The following RPA3 variants were observed in gnomAD, a reference collection of about 807,000 sequenced individuals.
The protein encoded by RPA3 is replication protein A3.
In RPA3, 24 loss-of-function variants were observed where a neutral mutation model predicts 13.7. The observed-to-expected ratio is 1.75, with a 90% confidence interval of 1.27 to 2.46. RPA3 has a LOEUF of 2.46. RPA3 is among the 30% of genes most tolerant of loss of function. The pLI, the probability that RPA3 is intolerant of heterozygous loss-of-function variation, is 0.00. For missense variants in RPA3, 183 were observed against 151.0 expected (o/e 1.21, Z -1.11); for synonymous variants, 59 against 51.2 (o/e 1.15, Z -0.65).
intron 2 of RPA3, among the ~76,000 whole-genome samples, chr7:7,714,679 A>T (rs987479331): frequency 2.0e-5 from 3 of 152,116 alleles, no homozygotes; most frequent in African/African-American, 7.2e-5. Flanking sequence ...AAAGACTTAG[A>T]ACTCCATCAG....
chr7:7,638,867 T>C (rs1784905919), intron 6 of RPA3: 1 of 401,116 alleles, frequency 2.5e-6, no homozygotes, highest in Non-Finnish European at 4.4e-6. Context: ...TCAAAAATCA[T>C]GACGCCCAAA....
At chr7:7,698,445 T>G (rs1780369968) in intron 2 of RPA3, among the ~76,000 whole-genome samples, 1 of 152,252 alleles carries the variant, frequency 6.6e-6, no homozygotes, top group Non-Finnish European at 1.5e-5. Context: ...TTTTTACAGC[T>G]TAGCCTTTTC....
At chr7:7,665,284 G>A (rs1779413977) in intron 4 of RPA3, among the ~76,000 whole-genome samples, 1 of 152,184 alleles carries the variant, frequency 6.6e-6, no homozygotes, top group Non-Finnish European at 1.5e-5. Context: ...AATAGGATCT[G>A]CCCTGCTAAG....
intron 2 of RPA3, among the ~76,000 whole-genome samples, chr7:7,700,830 G>A (rs544024017): frequency 6.6e-6 from 1 of 152,246 alleles, no homozygotes; most frequent in South Asian, 2.1e-4. Context: ...GGAGGTTGCA[G>A]TGAGCTGAGA....
intron 1 of RPA3, among the ~76,000 whole-genome samples, chr7:7,716,566 T>C (rs896093535): frequency 6.6e-6 from 1 of 152,236 alleles, no homozygotes; most frequent in Non-Finnish European, 1.5e-5. Flanking sequence ...ACCTTCCCTT[T>C]TCTTTGTCAC....
At chr7:7,690,097 C>T (rs370328298) in intron 2 of RPA3, among the ~76,000 whole-genome samples, 1 of 152,058 alleles carries the variant, frequency 6.6e-6, no homozygotes, top group African/African-American at 2.4e-5. Context: ...TTTTCAGGAA[C>T]GTATTACTGA....
chr7:7,637,220 G>A, intron 7 of RPA3, 138 bp from the exon 8 acceptor site: 2 of 657,272 alleles, frequency 3.0e-6, no homozygotes, highest in Non-Finnish European at 5.3e-6. Context: ...ATGGATTATG[G>A]ATTCTTGTAT....
rs193069003 is a variant in RPA3 at position 7,655,080 on chromosome 7, T to C, written c.-757-13905A>G. On this transcript the variant is annotated intron_variant, in intron 4 of 7. Coordinates refer to ENST00000223129, the MANE Select transcript of RPA3 (RefSeq NM_002947.5). ...GCTATGCTAGCAGGATTTACTGTTA[T>C]AGTAACAGCAATGATTCCAGACAGT... Among the ~76,000 whole-genome samples the C allele has an allele frequency of 5.7e-4, 87 of 152,302 alleles. 1 individual carries two copies. The highest frequency in any genetic ancestry group is 2.0e-3 in the African/African-American group (85 of 41,556).
At chr7:7,663,550 TCTAA>T (rs1408755155) in intron 4 of RPA3, among the ~76,000 whole-genome samples, 3 of 152,118 alleles carry the variant, frequency 2.0e-5, no homozygotes, top group Non-Finnish European at 2.9e-5. Flanking sequence ...TAATTAGTAG[TCTAA>T]CTGATACTAA....
At chr7:7,663,491 A>G (rs184361392) in intron 4 of RPA3, among the ~76,000 whole-genome samples, 23 of 152,310 alleles carry the variant, frequency 1.5e-4, no homozygotes, top group African/African-American at 5.5e-4. Flanking sequence ...CTACAAAATA[A>G]AAAACCTAGG....
At chr7:7,691,841 A>G (rs1780179178) in intron 2 of RPA3, among the ~76,000 whole-genome samples, 1 of 152,194 alleles carries the variant, frequency 6.6e-6, no homozygotes, top group Admixed American at 6.5e-5. Context: ...CCAGCTGCCA[A>G]ACAAAAGTCA....
At chr7:7,703,759 G>A (rs1780525580) in intron 2 of RPA3, among the ~76,000 whole-genome samples, 2 of 152,140 alleles carry the variant, frequency 1.3e-5, no homozygotes, top group African/African-American at 4.8e-5. Flanking sequence ...GGGCAACGTG[G>A]CGAAACCCCG....
chr7:7,715,061 A>T (rs1258291059), intron 2 of RPA3, 114 bp downstream of exon 2: 1 of 151,984 alleles, frequency 6.6e-6, no homozygotes, highest in Non-Finnish European at 1.5e-5. Flanking sequence ...CAAATCTTAG[A>T]ACTTAAAAAA....
intron 4 of RPA3, among the ~76,000 whole-genome samples, chr7:7,679,680 A>G (rs1484692964): frequency 2.3e-5 from 3 of 128,018 alleles, no homozygotes; most frequent in Non-Finnish European, 3.1e-5. Context: ...TTTATAGATA[A>G]ATATATATTT....
intron 4 of RPA3, among the ~76,000 whole-genome samples, chr7:7,679,956 T>A (rs184353860): frequency 2.0e-5 from 3 of 151,962 alleles, no homozygotes. Flanking sequence ...GTCAGATGAG[T>A]AGTTTGCAAA....
chr7:7,707,500 A>G (rs773630553), intron 2 of RPA3, among the ~76,000 whole-genome samples: 10 of 152,180 alleles, frequency 6.6e-5, no homozygotes, highest in Non-Finnish European at 1.2e-4. Flanking sequence ...TATGCTCTCA[A>G]ATTGCTTCAG....
At chr7:7,711,395 T>G (rs1404416291) in intron 2 of RPA3, among the ~76,000 whole-genome samples, 1 of 152,134 alleles carries the variant, frequency 6.6e-6, no homozygotes, top group Non-Finnish European at 1.5e-5. Context: ...TTAACTTTAG[T>G]AAATCATGGC....
chr7:7,655,708 G>C (rs1193954927), intron 4 of RPA3, among the ~76,000 whole-genome samples: 2 of 152,066 alleles, frequency 1.3e-5, no homozygotes, highest in African/African-American at 4.8e-5. Flanking sequence ...TTACATTTAG[G>C]GGACGAATGA....
intron 4 of RPA3, among the ~76,000 whole-genome samples, chr7:7,682,946 C>T (rs994500166): frequency 1.3e-5 from 2 of 152,176 alleles, no homozygotes; most frequent in Non-Finnish European, 2.9e-5. Flanking sequence ...TTACCTGATT[C>T]TGGTTTACCT....
Sources: gnomAD v4.1 joint callset for allele counts (sites outside exome capture counted in the v4.1 genomes callset) on GRCh38, gnomAD v4.1.1 for gene constraint, MANE v1.5 for transcripts, NCBI Gene and HGNC (gene_info 2026-07-23, HGNC 2026-07-21) for gene names.